Variants in PCDH7 observed in about 807,000 individuals in gnomAD.
The protein encoded by PCDH7 is protocadherin-7.
In PCDH7, 17 loss-of-function variants were observed where a neutral mutation model predicts 58.9. That is an observed-to-expected ratio of 0.29 (90% confidence interval 0.20 to 0.43). PCDH7 has a LOEUF of 0.43. Among genes scored for constraint, PCDH7 ranks in the 20% least tolerant of loss-of-function variants. PCDH7 has a pLI of 1.00. For missense variants in PCDH7, 1,274 were observed against 1,441.0 expected (o/e 0.88, Z 1.88); for synonymous variants, 664 against 616.4 (o/e 1.08, Z -1.14).
intron 1 of PCDH7, among the ~76,000 whole-genome samples, chr4:30,836,535 A>G (rs143802122): frequency 6.5e-4 from 99 of 152,328 alleles, no homozygotes; most frequent in African/African-American, 2.2e-3. Context: ...AGAATAACCA[A>G]TGCTGCCCAG....
chr4:30,883,818 A>G (rs1737318861), intron 1 of PCDH7, among the ~76,000 whole-genome samples: 2 of 152,148 alleles, frequency 1.3e-5, no homozygotes, highest in Non-Finnish European at 2.9e-5. Context: ...TGGTTTTGCC[A>G]TTTCCTGACT....
chr4:30,721,282 C>T lies in PCDH7; in HGVS notation c.-141C>T. Reference sequence around the variant, plus strand: ...GGCCAACTCTCCACGCCGCTTTTGCCCCCTCCCTCCCCTCCCTCTCGCTCC... The same window carrying T: ...GGCCAACTCTCCACGCCGCTTTTGCTCCCTCCCTCCCCTCCCTCTCGCTCC... On this transcript the variant is annotated 5_prime_UTR_variant, in exon 1 of 2. Coordinates refer to ENST00000361762, the Ensembl canonical transcript of PCDH7. This position sits in a 1 kb window ranked among gnomAD's most constrained non-coding sequence, Gnocchi z 6.7. 1.2e-6 allele frequency: 1 copy of T among 832,030 alleles called. No homozygotes were observed. The highest frequency in any genetic ancestry group is 1.8e-6 in the Non-Finnish European group (1 of 564,650). The allele number at this position is 832,030 out of a possible 1,614,324, so 51.5% of individuals were successfully genotyped here. A position where few individuals can be genotyped will look rare whatever the true frequency, so the allele number is the denominator to read the frequency against.
intron 1 of PCDH7, among the ~76,000 whole-genome samples, chr4:30,898,714 C>T (rs909858652): frequency 7.2e-5 from 11 of 152,148 alleles, no homozygotes; most frequent in Admixed American, 7.2e-4. Context: ...CGTGAGCCTC[C>T]CGAGTAGCTG....
At chr4:30,858,337 A>G (rs1262601802) in intron 1 of PCDH7, among the ~76,000 whole-genome samples, 1 of 151,980 alleles carries the variant, frequency 6.6e-6, no homozygotes, top group African/African-American at 2.4e-5. Context: ...TCTTCTTTCC[A>G]TCCTTACGGA....
intron 3 of PCDH7, among the ~76,000 whole-genome samples, chr4:30,987,421 G>T (rs1209289286): frequency 1.3e-5 from 2 of 151,906 alleles, no homozygotes; most frequent in African/African-American, 2.4e-5. Flanking sequence ...TTGGCTCCAT[G>T]AACCTCATTT....
chr4:30,984,554 G>A (rs1410120165), intron 3 of PCDH7, among the ~76,000 whole-genome samples: 1 of 152,174 alleles, frequency 6.6e-6, no homozygotes, highest in Non-Finnish European at 1.5e-5. Context: ...GTGATTCTGT[G>A]ATCGTTACTG....
chr4:31,034,188 T>C (rs1331611623), intron 3 of PCDH7, among the ~76,000 whole-genome samples: 2 of 152,146 alleles, frequency 1.3e-5, no homozygotes, highest in East Asian at 1.9e-4. Flanking sequence ...TCCTCCCTAA[T>C]AGATTTCTCC....
chr4:30,779,015 T>G (rs1366001187), intron 1 of PCDH7, among the ~76,000 whole-genome samples: 7 of 142,702 alleles, frequency 4.9e-5, no homozygotes, highest in Non-Finnish European at 9.1e-5. Flanking sequence ...TTTTTTTTTT[T>G]TTTTTTTTTT....
At chr4:31,055,030 C>T (rs1211873373) in intron 3 of PCDH7, among the ~76,000 whole-genome samples, 1 of 152,032 alleles carries the variant, frequency 6.6e-6, no homozygotes, top group African/African-American at 2.4e-5. Flanking sequence ...GGGTTTTGCT[C>T]CTAGGAGGTT....
At chr4:30,875,161 A>G (rs997948767) in intron 1 of PCDH7, among the ~76,000 whole-genome samples, 1 of 152,108 alleles carries the variant, frequency 6.6e-6, no homozygotes, top group Non-Finnish European at 1.5e-5. Flanking sequence ...AGGTGGTTGC[A>G]CCGTTGATTC....
At position 31,108,016 on chromosome 4, in the gene PCDH7, A is replaced by G. The variant is rs1000763990; in HGVS notation, c.*8-34457A>G. On this transcript the variant is annotated intron_variant, in intron 3 of 3. Coordinates refer to the PCDH7 transcript ENST00000509759. The stretch of plus-strand genomic sequence containing the variant: ...CACTTAAGGTAATGCCTTAACATAC[A>G]AAGTATAGTACTTCTGCATTTTTTA... Among the ~76,000 whole-genome samples the G allele has an allele frequency of 1.1e-4, 16 of 152,282 alleles. No homozygotes were observed. The East Asian group carries it at 2.7e-3, about 26-fold the overall frequency.
intron 3 of PCDH7, among the ~76,000 whole-genome samples, chr4:31,114,524 GT>G (rs1403382633): frequency 6.6e-6 from 1 of 151,902 alleles, no homozygotes; most frequent in Non-Finnish European, 1.5e-5. Context: ...AATTGGGCTT[GT>G]TTTTAGGCCC....
chr4:30,765,694 T>A (rs1720651148), intron 1 of PCDH7, among the ~76,000 whole-genome samples: 2 of 152,202 alleles, frequency 1.3e-5, no homozygotes. Flanking sequence ...AAGTTTTAAG[T>A]ATGCAATGTG....
At chr4:31,000,376 A>G (rs1752265036) in intron 3 of PCDH7, among the ~76,000 whole-genome samples, 1 of 152,152 alleles carries the variant, frequency 6.6e-6, no homozygotes, top group African/African-American at 2.4e-5. Flanking sequence ...TCTAGTTTAT[A>G]TCTGAACGTA....
At chr4:31,074,202 T>C (rs572009968) in intron 3 of PCDH7, among the ~76,000 whole-genome samples, 1 of 151,716 alleles carries the variant, frequency 6.6e-6, no homozygotes, top group East Asian at 1.9e-4. Context: ...ATTTATCTTC[T>C]TACTTATATG....
rs544115480 is a variant in PCDH7 at position 30,722,704 on chromosome 4, G to A, written c.1282G>A (p.Gly428Arg). The A allele has an allele frequency of 1.2e-6, 2 of 1,613,586 alleles. No individual in the cohort carries two copies. The highest frequency in any genetic ancestry group is 1.7e-6 in the Non-Finnish European group (2 of 1,180,014). ...GATTGGGCGCATCCCCCTCAAGGAC[G>A]GGGTGGCCAACGTGGCCGAGGACGT... The change falls in exon 1 of 2, where the codon GGG becomes AGG. Residue 428 changes from glycine to arginine, a missense_variant. By Grantham distance (125) the Gly-to-Arg change is moderately radical. This residue lies in a region of PCDH7 where 731 missense variants were observed against 881.9 expected (regional missense o/e 0.83). Coordinates refer to ENST00000361762, the Ensembl canonical transcript of PCDH7. This position sits in a 1 kb window ranked among gnomAD's most constrained non-coding sequence, Gnocchi z 7.6.
At chr4:30,919,746 G>A (rs1241558546) in intron 1 of PCDH7, among the ~76,000 whole-genome samples, 3 of 152,232 alleles carry the variant, frequency 2.0e-5, no homozygotes, top group African/African-American at 7.2e-5. Flanking sequence ...TTTAAAAATT[G>A]AGTCTTCTTA....
intron 1 of PCDH7, among the ~76,000 whole-genome samples, chr4:30,744,752 G>A (rs1717548909): frequency 6.6e-6 from 1 of 152,224 alleles, no homozygotes; most frequent in Admixed American, 6.5e-5. Context: ...TCTCACTGGA[G>A]CTGAGTTGGG....
intron 1 of PCDH7, among the ~76,000 whole-genome samples, chr4:30,755,640 T>C (rs563841824): frequency 8.5e-5 from 13 of 152,244 alleles, no homozygotes; most frequent in African/African-American, 2.6e-4. Context: ...CCCACTGTCT[T>C]AGTCTGTTTT....
Sources: allele counts gnomAD v4.1 joint callset (sites outside exome capture counted in the v4.1 genomes callset), GRCh38; gene constraint gnomAD v4.1.1; regional missense constraint gnomAD v4.1.1; non-coding constraint Gnocchi (gnomAD v3.1); transcripts MANE v1.5; gene names NCBI Gene and HGNC (gene_info 2026-07-23, HGNC 2026-07-21).